The following ZMAT4 variants were observed in gnomAD, a reference collection of about 807,000 sequenced individuals.
ZMAT4 encodes the protein zinc finger matrin-type protein 4.
ZMAT4 carries 17 observed loss-of-function variants against 28.7 expected under a neutral mutation model. The ratio of observed to expected loss-of-function variants is 0.59; its 90% CI spans 0.41 to 0.89. The LOEUF (loss-of-function observed/expected upper bound fraction) is 0.89, where lower values mean the gene tolerates loss of function less well. Among genes scored for constraint, ZMAT4 ranks in the 40% least tolerant of loss-of-function variants. ZMAT4 has a pLI of 0.00. For missense variants in ZMAT4, 240 were observed against 283.8 expected, an observed-to-expected ratio of 0.85 and a Z score of 1.11; for synonymous variants, 117 against 109.2, an observed-to-expected ratio of 1.07 and a Z score of -0.44.
intron 1 of ZMAT4, among the ~76,000 whole-genome samples, chr8:40,840,685 G>A (rs1379710105): frequency 6.6e-6 from 1 of 152,178 alleles, no homozygotes; most frequent in African/African-American, 2.4e-5. Flanking sequence ...CATTTATGCA[G>A]TACTAGGCAA....
intron 1 of ZMAT4, among the ~76,000 whole-genome samples, chr8:40,874,561 T>C (rs1028201478): frequency 1.3e-5 from 2 of 152,198 alleles, no homozygotes; most frequent in East Asian, 1.9e-4. Flanking sequence ...ACTACACACA[T>C]GCATCTTTCC....
chr8:40,590,952 G>A (rs1478492887), intron 5 of ZMAT4, among the ~76,000 whole-genome samples: 2 of 152,036 alleles, frequency 1.3e-5, no homozygotes. Flanking sequence ...AATTATGATT[G>A]GTTGGTTGTA....
chr8:40,633,836 G>A (rs925331320), intron 5 of ZMAT4, among the ~76,000 whole-genome samples: 1 of 152,164 alleles, frequency 6.6e-6, no homozygotes, highest in Non-Finnish European at 1.5e-5. Context: ...CATCTGCAGG[G>A]GCAGACGTGA....
chr8:40,782,231 T>G (rs561979496), intron 2 of ZMAT4, among the ~76,000 whole-genome samples: 30 of 151,670 alleles, frequency 2.0e-4, no homozygotes, highest in Non-Finnish European at 4.4e-5. Context: ...ACTAAAAAGA[T>G]AAAAATTAGC....
chr8:40,766,738 C>T lies in ZMAT4; in HGVS notation c.192+903G>A, dbSNP rs77297679. Among the ~76,000 whole-genome samples, 1,230 of 152,314 alleles carry T rather than the reference C, an allele frequency of 8.1e-3. 22 individuals carry two copies. Among genetic ancestry groups the T allele is most frequent in the African/African-American group, 0.028 (1,175 of 41,562 alleles). On this transcript the variant is annotated intron_variant, in intron 3 of 6. Transcript: ENST00000297737. ...CCTCTGCTCATAGGCAGTTCTCTTG[C>T]TCCCTCTTTTTATCCCCTGTGAAAA...
rs535853809 is a variant in ZMAT4, at chr8:40,640,243, G to A, written c.577+34461C>T. 2.6e-5 allele frequency among the ~76,000 whole-genome samples: 4 copies of A among 152,312 alleles called. No homozygotes were observed. The East Asian group carries it at 7.7e-4, about 29-fold the overall frequency. ...TCCTCCTGCCTCAGCCTCCTAAAAT[G>A]TTGAGATTACAGGTGTGAACCACAG... On this transcript the variant is annotated intron_variant, in intron 5 of 6. Coordinates refer to ENST00000297737, the MANE Select transcript of ZMAT4 (RefSeq NM_024645.3).
intron 3 of ZMAT4, among the ~76,000 whole-genome samples, chr8:40,709,254 G>T (rs1287135678): frequency 2.7e-5 from 4 of 146,942 alleles, no homozygotes; most frequent in Admixed American, 2.0e-4. Context: ...TTTTATTGTT[G>T]TATTATTTTT....
intron 5 of ZMAT4, among the ~76,000 whole-genome samples, chr8:40,585,325 G>A (rs1164141867): frequency 2.0e-5 from 3 of 152,082 alleles, no homozygotes; most frequent in African/African-American, 7.2e-5. Context: ...GACAAATCTT[G>A]AAACCTATTT....
intron 5 of ZMAT4, among the ~76,000 whole-genome samples, chr8:40,594,549 T>A (rs1416152305): frequency 6.6e-6 from 1 of 152,314 alleles, no homozygotes; most frequent in Admixed American, 6.5e-5. Context: ...ATAATAATTG[T>A]ACCTACTCAA....
intron 5 of ZMAT4, among the ~76,000 whole-genome samples, chr8:40,593,979 C>T (rs1804997702): frequency 6.6e-6 from 1 of 152,106 alleles, no homozygotes; most frequent in Admixed American, 6.6e-5. Flanking sequence ...GCAGTATTGG[C>T]CTTTTAAATT....
At chr8:40,739,511 AAGGTAATACAGT>A (rs1282737316) in intron 3 of ZMAT4, among the ~76,000 whole-genome samples, 68 of 152,346 alleles carry the variant, frequency 4.5e-4, no homozygotes, top group African/African-American at 1.6e-3. Flanking sequence ...GGGATTGTAA[AAGGTAATACAGT>A]GATCTATTTG....
At chr8:40,541,210 G>C (rs1395306495) in intron 6 of ZMAT4, among the ~76,000 whole-genome samples, 1 of 152,034 alleles carries the variant, frequency 6.6e-6, no homozygotes, top group South Asian at 2.1e-4. Flanking sequence ...CTCGGTTTTA[G>C]GCTAAGTCAA....
chr8:40,846,783 G>A lies in ZMAT4; in HGVS notation c.-4-21103C>T, dbSNP rs536271061. Among the ~76,000 whole-genome samples, 26 of 152,248 alleles carry A rather than the reference G, an allele frequency of 1.7e-4. 1 individual carries two copies. In the South Asian group the frequency reaches 4.1e-3, roughly 24 times the overall value. ...TCACCTCTCAGAGAGAGCTGCTACC[G>A]TCCGTTCCAATGTTTAACGGCAGGA... On this transcript the variant is annotated intron_variant, in intron 1 of 6. Transcript: ENST00000297737.
intron 5 of ZMAT4, among the ~76,000 whole-genome samples, chr8:40,627,603 C>A (rs1044058478): frequency 2.0e-5 from 3 of 152,164 alleles, no homozygotes; most frequent in Admixed American, 6.5e-5. Context: ...TAAAATTTTT[C>A]AACCATGTAT....
At chr8:40,866,990 A>C (rs1817695922) in intron 1 of ZMAT4, among the ~76,000 whole-genome samples, 1 of 152,320 alleles carries the variant, frequency 6.6e-6, no homozygotes, top group African/African-American at 2.4e-5. Flanking sequence ...TGCTCTAACT[A>C]AGTCATCCTT....
At chr8:40,582,473 A>G (rs1804522800) in intron 5 of ZMAT4, among the ~76,000 whole-genome samples, 1 of 152,082 alleles carries the variant, frequency 6.6e-6, no homozygotes. Context: ...TGGATGACAG[A>G]GTGAGGCCTT....
At chr8:40,695,809 A>G (rs1198787845) in intron 4 of ZMAT4, among the ~76,000 whole-genome samples, 1 of 136,120 alleles carries the variant, frequency 7.3e-6, no homozygotes, top group African/African-American at 2.8e-5. Flanking sequence ...TTTTTGCAGA[A>G]AGAATAACTC....
At chr8:40,608,201 C>T (rs562241098) in intron 5 of ZMAT4, among the ~76,000 whole-genome samples, 1 of 152,008 alleles carries the variant, frequency 6.6e-6, no homozygotes, top group Non-Finnish European at 1.5e-5. Flanking sequence ...CAGATGGGGG[C>T]AGGATTAGGC....
rs529024763 is a variant in ZMAT4 at position 40,568,583 on chromosome 8, C to T, written c.674+12582G>A. On this transcript the variant is annotated intron_variant, in intron 6 of 6. Coordinates refer to ENST00000297737, the MANE Select transcript of ZMAT4 (RefSeq NM_024645.3). ...GGTTACACCTCAACATTCATCTACC[C>T]GTTCCTCGGGGCCCATTTAGTACTT... Among the ~76,000 whole-genome samples, 145 of 152,192 alleles carry T rather than the reference C, an allele frequency of 9.5e-4. 1 individual carries two copies. Among genetic ancestry groups the T allele is most frequent in the Admixed American group, 2.2e-3 (34 of 15,290 alleles).
Sources: allele counts gnomAD v4.1 joint callset (sites outside exome capture counted in the v4.1 genomes callset), GRCh38; gene constraint gnomAD v4.1.1; transcripts MANE v1.5; gene names NCBI Gene and HGNC (gene_info 2026-07-23, HGNC 2026-07-21).